FHL2: variants seen among roughly 807,000 people sequenced by gnomAD.
FHL2 encodes the protein four and a half LIM domains 2, also known as four and a half LIM domains protein 2.
In FHL2, 20 loss-of-function variants were observed where a neutral mutation model predicts 32.7. The observed-to-expected ratio is 0.61, with a 90% confidence interval of 0.43 to 0.89. The LOEUF (loss-of-function observed/expected upper bound fraction) is 0.89, where lower values mean the gene tolerates loss of function less well. Ranked by LOEUF, FHL2 falls within the 40% of genes least tolerant of loss-of-function variation. The pLI is 0.00. For missense variants in FHL2, 311 were observed against 358.6 expected (o/e 0.87, Z 1.07); for synonymous variants, 123 against 128.1 (o/e 0.96, Z 0.27).
At chr2:105,370,640 C>T (rs1680995415) in intron 4 of FHL2, among the ~76,000 whole-genome samples, 1 of 152,142 alleles carries the variant, frequency 6.6e-6, no homozygotes, top group South Asian at 2.1e-4. Context: ...ACCGCAAAAG[C>T]TGTGCACTGA....
At chr2:105,412,408 G>T (rs541161992) in intron 1 of FHL2, among the ~76,000 whole-genome samples, 1 of 152,206 alleles carries the variant, frequency 6.6e-6, no homozygotes, top group Non-Finnish European at 1.5e-5. Context: ...CAAACTGGTG[G>T]TGGAGGATGA....
intron 1 of FHL2, among the ~76,000 whole-genome samples, chr2:105,418,142 G>A (rs1461303992): frequency 1.3e-5 from 2 of 152,168 alleles, no homozygotes; most frequent in African/African-American, 4.8e-5. Flanking sequence ...GGTAAATGGT[G>A]GAGATTCAGA....
At chr2:105,427,596 G>C (rs979832125) in intron 1 of FHL2, among the ~76,000 whole-genome samples, 2 of 152,204 alleles carry the variant, frequency 1.3e-5, no homozygotes, top group African/African-American at 4.8e-5. Flanking sequence ...CTTTCGAACA[G>C]AGGCCCTTGT....
intron 2 of FHL2, among the ~76,000 whole-genome samples, chr2:105,386,947 TAG>T (rs1682368663): frequency 1.3e-5 from 2 of 151,978 alleles, no homozygotes; most frequent in South Asian, 4.2e-4. Flanking sequence ...ATATTTTTAG[TAG>T]AGACAGGGTT....
chr2:105,436,118 A>C (rs1057397169), intron 1 of FHL2, among the ~76,000 whole-genome samples: 3 of 151,272 alleles, frequency 2.0e-5, no homozygotes, highest in Admixed American at 6.6e-5. Context: ...CTCAGAACTT[A>C]TGTGAGTTCT....
At chr2:105,388,706 TGCCTGTAATCCCA>T (rs1448765629) in intron 2 of FHL2, among the ~76,000 whole-genome samples, 1 of 151,730 alleles carries the variant, frequency 6.6e-6, no homozygotes, top group African/African-American at 2.4e-5. Context: ...TACTGGCACA[TGCCTGTAATCCCA>T]GCTACTCAGG....
At chr2:105,437,416 G>A (rs997912668) in intron 1 of FHL2, among the ~76,000 whole-genome samples, 4 of 151,916 alleles carry the variant, frequency 2.6e-5, no homozygotes, top group African/African-American at 7.3e-5. Flanking sequence ...CCATAAATAT[G>A]TAAAATATTA....
At chr2:105,407,108 A>G (rs1683656412) in intron 1 of FHL2, among the ~76,000 whole-genome samples, 3 of 152,174 alleles carry the variant, frequency 2.0e-5, no homozygotes, top group South Asian at 2.1e-4. Context: ...AAAATGCCTA[A>G]GCTGCTGGGC....
chr2:105,418,940 A>G (rs1354942116), intron 1 of FHL2, among the ~76,000 whole-genome samples: 1 of 152,250 alleles, frequency 6.6e-6, no homozygotes, highest in Non-Finnish European at 1.5e-5. Context: ...GAAAAAACAT[A>G]GTATATGCAG....
At chr2:105,394,506 G>A (rs1253286544) in intron 2 of FHL2, among the ~76,000 whole-genome samples, 1 of 151,476 alleles carries the variant, frequency 6.6e-6, no homozygotes, top group Non-Finnish European at 1.5e-5. Flanking sequence ...CCAGGGGTTT[G>A]AGGCTTTAGT....
chr2:105,407,796 C>T (rs534221479), intron 1 of FHL2, among the ~76,000 whole-genome samples: 2 of 152,246 alleles, frequency 1.3e-5, no homozygotes, highest in African/African-American at 4.8e-5. Context: ...CAATCCTCCC[C>T]CCGCTGCCAC....
At chr2:105,358,818 A>T (rs576316893), downstream of FHL2, 1 of 152,320 alleles carries the variant, frequency 6.6e-6, no homozygotes, top group Non-Finnish European at 1.5e-5. Flanking sequence ...TGGCCTAAGT[A>T]TACACGGTTC....
chr2:105,382,351 C>T (rs1313063198), intron 3 of FHL2, among the ~76,000 whole-genome samples: 1 of 152,320 alleles, frequency 6.6e-6, no homozygotes, highest in East Asian at 1.9e-4. Flanking sequence ...CCGAGAGTCA[C>T]ATAGACAGGG....
Position 105,398,898 on chromosome 2 carries a change from C to G in FHL2, c.-132G>C, listed in dbSNP as rs747293424. 6.5e-6 allele frequency: 10 copies of G among 1,530,390 alleles called. No homozygotes were observed. Among genetic ancestry groups the G allele is most frequent in the Non-Finnish European group, 8.8e-6 (10 of 1,141,818 alleles). 94.8% of individuals were successfully genotyped at this position (1,530,390 alleles called of 1,614,324 possible). A position where few individuals can be genotyped will look rare whatever the true frequency, so the allele number is the denominator to read the frequency against. On this transcript the variant is annotated 5_prime_UTR_variant, in exon 1 of 7. Transcript: ENST00000530340. ...TCCTTGGGTCTCGCACCGGATTCGGCCCCCACTTCCGAGCCCTGGTGGCTA... is the reference window on the plus strand; with the variant it reads ...TCCTTGGGTCTCGCACCGGATTCGGGCCCCACTTCCGAGCCCTGGTGGCTA...
At chr2:105,380,662 G>A (rs949551976) in intron 3 of FHL2, among the ~76,000 whole-genome samples, 5 of 152,152 alleles carry the variant, frequency 3.3e-5, no homozygotes, top group Middle Eastern at 3.2e-3. Context: ...AACAGAGATA[G>A]CACTTCGATG....
chr2:105,431,510 G>A (rs77640798), intron 1 of FHL2, among the ~76,000 whole-genome samples: 2,319 of 152,328 alleles, frequency 0.015, 48 homozygotes, highest in African/African-American at 0.052. Flanking sequence ...ATGCCAGCAG[G>A]TGCAAATGCC....
intron 6 of FHL2, 42 bp downstream of exon 6, chr2:105,363,243 G>A (rs1680397875): frequency 1.2e-6 from 2 of 1,600,744 alleles, no homozygotes; most frequent in South Asian, 1.1e-5. Context: ...CCTTGTTCAA[G>A]CTTCCAATCG....
chr2:105,363,031 C>T, intron 6 of FHL2: 1 of 463,868 alleles, frequency 2.2e-6, no homozygotes, highest in Non-Finnish European at 3.9e-6. Context: ...ATAATCCAAC[C>T]CAAAGCAGAA....
chr2:105,369,325 G>C (rs1486304424), intron 4 of FHL2, among the ~76,000 whole-genome samples: 1 of 152,178 alleles, frequency 6.6e-6, no homozygotes, highest in East Asian at 1.9e-4. Flanking sequence ...TGGTCCCAAG[G>C]ACAAAGCTAG....
Sources: allele counts gnomAD v4.1 joint callset (sites outside exome capture counted in the v4.1 genomes callset), GRCh38; gene constraint gnomAD v4.1.1; transcripts MANE v1.5; gene names NCBI Gene and HGNC (gene_info 2026-07-23, HGNC 2026-07-21).